Variants in RALGPS2 observed in about 807,000 individuals in gnomAD.
RALGPS2 encodes ras-specific guanine nucleotide-releasing factor RalGPS2.
Under a neutral mutation model 86.8 loss-of-function variants are expected in RALGPS2, and 43 were observed. The ratio of observed to expected loss-of-function variants is 0.50; its 90% CI spans 0.39 to 0.64. The LOEUF (loss-of-function observed/expected upper bound fraction) is 0.64. Ranked by LOEUF, RALGPS2 falls within the 30% of genes least tolerant of loss-of-function variation. The pLI is 0.00. For synonymous variants in RALGPS2, 243 were observed against 231.3 expected, an observed-to-expected ratio of 1.05 and a Z score of -0.46; for missense variants, 536 against 694.6, an observed-to-expected ratio of 0.77 and a Z score of 2.57.
At chr1:178,904,619 A>G (rs1233058632) in intron 18 of RALGPS2, among the ~76,000 whole-genome samples, 4 of 152,206 alleles carry the variant, frequency 2.6e-5, no homozygotes, top group African/African-American at 9.6e-5. Flanking sequence ...TCCTTTCCCC[A>G]CTTTATGTTT....
intron 8 of RALGPS2, chr1:178,853,540 T>G: frequency 7.6e-7 from 1 of 1,324,114 alleles, no homozygotes; most frequent in Non-Finnish European, 1.0e-6. Context: ...GTTTCTTGCA[T>G]TATTGCAAGA....
intron 1 of RALGPS2, among the ~76,000 whole-genome samples, chr1:178,736,453 A>T (rs149552693): frequency 1.1e-3 from 164 of 152,164 alleles, no homozygotes; most frequent in African/African-American, 3.8e-3. Flanking sequence ...GTGAGCCACT[A>T]CACCCAGCCT....
chr1:178,747,341 G>T (rs1651394018), intron 1 of RALGPS2: 1 of 1,535,834 alleles, frequency 6.5e-7, no homozygotes, highest in African/African-American at 1.4e-5. Context: ...TATTGTTCTG[G>T]TTTCACCACT....
chr1:178,737,446 C>T (rs1194021392), intron 1 of RALGPS2, among the ~76,000 whole-genome samples: 1 of 152,008 alleles, frequency 6.6e-6, no homozygotes, highest in Non-Finnish European at 1.5e-5. Flanking sequence ...CGGGGTTTCA[C>T]CATCTTGGCC....
At chr1:178,743,308 T>C (rs948098714) in intron 1 of RALGPS2, among the ~76,000 whole-genome samples, 34 of 152,098 alleles carry the variant, frequency 2.2e-4, no homozygotes, top group African/African-American at 8.0e-4. Flanking sequence ...AGAAGAAAGA[T>C]CTCAAATCAT....
chr1:178,875,119 A>G (rs1385039060), intron 8 of RALGPS2, among the ~76,000 whole-genome samples: 1 of 152,222 alleles, frequency 6.6e-6, no homozygotes, highest in African/African-American at 2.4e-5. Context: ...CCCACTGGAC[A>G]TAATTCTTTG....
chr1:178,870,833 T>A (rs1158253954), intron 8 of RALGPS2: 1 of 152,196 alleles, frequency 6.6e-6, no homozygotes, highest in Non-Finnish European at 1.5e-5. Context: ...ATCTGTGACT[T>A]TAATGGCAGC....
chr1:178,853,160 A>C (rs1337674694), intron 8 of RALGPS2: 9 of 985,272 alleles, frequency 9.1e-6, no homozygotes, highest in African/African-American at 1.7e-5. Flanking sequence ...CTGATATGTC[A>C]GTATTCATTT....
intron 2 of RALGPS2, among the ~76,000 whole-genome samples, chr1:178,783,543 G>A (rs1236587189): frequency 2.0e-5 from 3 of 152,124 alleles, no homozygotes. Flanking sequence ...GCTACTAAAA[G>A]GGAGGAAAAG....
At chr1:178,891,108 A>G (rs1198652839) in intron 14 of RALGPS2, among the ~76,000 whole-genome samples, 1 of 152,104 alleles carries the variant, frequency 6.6e-6, no homozygotes, top group Non-Finnish European at 1.5e-5. Context: ...CCAGCAGGTT[A>G]CTTATGAAGA....
At chr1:178,825,586 A>G (rs996110033) in intron 7 of RALGPS2, among the ~76,000 whole-genome samples, 1 of 152,212 alleles carries the variant, frequency 6.6e-6, no homozygotes, top group African/African-American at 2.4e-5. Flanking sequence ...TCCAACTACA[A>G]AAATCTTCAA....
At chr1:178,860,469 A>T (rs1657926017) in intron 8 of RALGPS2, among the ~76,000 whole-genome samples, 1 of 152,156 alleles carries the variant, frequency 6.6e-6, no homozygotes, top group Non-Finnish European at 1.5e-5. Context: ...TACTGTCTTC[A>T]CCATTTTTAA....
rs139533001 is a variant in RALGPS2 at position 178,776,780 on chromosome 1, G to C, written c.16G>C (p.Gly6Arg). The change falls in exon 2 of 20, where the codon GGG (glycine) becomes CGG (arginine). Residue 6 changes from glycine (G) to arginine (R), a missense_variant. Physicochemically the swap from Gly to Arg is moderately radical, Grantham distance 125. Transcript: ENST00000367635. ...TGAGGAAAGCATGGACCTAATGAAC[G>C]GGCAGGCAAGCAGTGTCAATATTGC... MDLMN[G>R]QASSVNIAAT... is the part of the protein sequence containing the mutation. The C allele has an allele frequency of 1.2e-6, 2 of 1,612,638 alleles. No homozygotes were observed. Among genetic ancestry groups the C allele is most frequent in the African/African-American group, 2.7e-5 (2 of 74,820 alleles).
At chr1:178,864,670 A>G (rs903629874) in intron 8 of RALGPS2, among the ~76,000 whole-genome samples, 2 of 152,156 alleles carry the variant, frequency 1.3e-5, no homozygotes, top group Non-Finnish European at 2.9e-5. Context: ...TGGAGCATGT[A>G]CTTATTCCTG....
chr1:178,833,570 GT>G lies in RALGPS2; in HGVS notation c.607+26del. 2 of 1,519,386 alleles carry G rather than the reference GT, an allele frequency of 1.3e-6. No individual in the cohort carries two copies. The highest frequency in any genetic ancestry group is 2.6e-5 in the Admixed American group (1 of 37,862). The allele number at this position is 1,519,386 out of a possible 1,614,324, so 94.1% of individuals were successfully genotyped here. A position where few individuals can be genotyped will look rare whatever the true frequency, so the allele number is the denominator to read the frequency against. On this transcript the variant is annotated intron_variant, in intron 8 of 19. Transcript: ENST00000367635. ...ATTTAGGTGAGTTATGTCACTGTGTGTTTTTTGTTTCTAGTTGTTACTCTTC... is the reference window on the plus strand; with the variant it reads ...ATTTAGGTGAGTTATGTCACTGTGTGTTTTTGTTTCTAGTTGTTACTCTTC...
At chr1:178,781,817 GA>G (rs1653407772) in intron 2 of RALGPS2, among the ~76,000 whole-genome samples, 1 of 152,014 alleles carries the variant, frequency 6.6e-6, no homozygotes, top group South Asian at 2.1e-4. Flanking sequence ...TTAACATTAT[GA>G]AAAAAATGTT....
chr1:178,733,991 CAG>C (rs1383260090), intron 1 of RALGPS2, among the ~76,000 whole-genome samples: 2 of 152,120 alleles, frequency 1.3e-5, no homozygotes, highest in African/African-American at 4.8e-5. Context: ...AACTTGTAGT[CAG>C]AATGTATAAA....
At chr1:178,885,749 A>C (rs1159956467) in intron 12 of RALGPS2, 1 of 358,394 alleles carries the variant, frequency 2.8e-6, no homozygotes, top group African/African-American at 2.1e-5. Flanking sequence ...AACGGACACG[A>C]GGCTTAAAAT....
In RALGPS2 at chr1:178,857,810, T is replaced by A. The variant is rs975169719; in HGVS notation, c.608-19688T>A. 4.1e-4 allele frequency among the ~76,000 whole-genome samples: 63 copies of A among 152,312 alleles called. 3 individuals carry two copies. The highest frequency in any genetic ancestry group is 1.3e-4 in the Admixed American group (2 of 15,300). ...TTAGGTTATTTGCTTTGCTGCAGAA[T>A]ATTTAGAAACATCAGTGTTCTGAAT... On this transcript the variant is annotated intron_variant, in intron 8 of 19. Transcript: ENST00000367635.
Sources: allele counts gnomAD v4.1 joint callset (sites outside exome capture counted in the v4.1 genomes callset), GRCh38; gene constraint gnomAD v4.1.1; transcripts MANE v1.5; gene names NCBI Gene and HGNC (gene_info 2026-07-23, HGNC 2026-07-21).